RGS6: variants seen among roughly 807,000 people sequenced by gnomAD.
The protein encoded by RGS6 is regulator of G-protein signaling 6.
RGS6 carries 30 observed loss-of-function variants against 78.5 expected under a neutral mutation model. The observed-to-expected ratio is 0.38, with a 90% CI of 0.29 to 0.52. The LOEUF (loss-of-function observed/expected upper bound fraction) is 0.52. Among genes scored for constraint, RGS6 ranks in the 20% least tolerant of loss-of-function variants. The pLI, the probability that RGS6 is intolerant of heterozygous loss-of-function variation, is 0.85. For missense variants in RGS6, 495 were observed against 609.7 expected (o/e 0.81, Z 1.98); for synonymous variants, 206 against 206.0 (o/e 1.00, Z 0.00).
chr14:71,978,597 A>G (rs1312283827), intron 2 of RGS6, among the ~76,000 whole-genome samples: 1 of 123,394 alleles, frequency 8.1e-6, no homozygotes. Context: ...CCAGCCTTGC[A>G]TCCCAGGGAT....
Position 72,077,234 on chromosome 14 carries a change from T to C in RGS6, c.84+112359T>C, listed in dbSNP as rs116435818. Reference sequence around the variant, plus strand: ...ACACCTTTCCATATCTTTATTGTACTAATGTGTATGAATTCCATCTTAATA... The same window carrying C: ...ACACCTTTCCATATCTTTATTGTACCAATGTGTATGAATTCCATCTTAATA... On this transcript the variant is annotated intron_variant, in intron 2 of 17. Coordinates refer to ENST00000553525, the MANE Select transcript of RGS6 (RefSeq NM_001204424.2). 2.6e-3 allele frequency among the ~76,000 whole-genome samples: 399 copies of C among 152,246 alleles called. 1 individual carries two copies. The highest frequency in any genetic ancestry group is 9.3e-3 in the African/African-American group (387 of 41,574).
intron 2 of RGS6, among the ~76,000 whole-genome samples, chr14:72,007,152 AT>A (rs34446409): frequency 0.13 from 19,328 of 148,842 alleles, 1,486 homozygotes; most frequent in South Asian, 0.2. Context: ...GTGCTTTCTG[AT>A]TTTTTTTTTT....
At chr14:72,193,661 A>G (rs1228743685) in intron 2 of RGS6, among the ~76,000 whole-genome samples, 1 of 152,220 alleles carries the variant, frequency 6.6e-6, no homozygotes, top group Non-Finnish European at 1.5e-5. Context: ...GAGAACAGAG[A>G]TAAAGTTTGG....
Position 72,298,431 on chromosome 14 carries a change from CTTT to C in RGS6, c.85-53642_85-53640del, listed in dbSNP as rs1201498031. ...AATGAGAGATATTGTCATTAATGTTCTTTTTTTTTTTTTTTTTTTTTTTTCCCC... is the reference window on the plus strand; with the variant it reads ...AATGAGAGATATTGTCATTAATGTTCTTTTTTTTTTTTTTTTTTTTTCCCC... On this transcript the variant is annotated intron_variant, in intron 2 of 17. Transcript: ENST00000553525. 5.9e-3 allele frequency among the ~76,000 whole-genome samples: 496 copies of C among 83,734 alleles called. 1 individual carries two copies. Among genetic ancestry groups the C allele is most frequent in the Middle Eastern group, 0.011 (1 of 92 alleles). The allele number at this position is 83,734 out of a possible 152,430, so 54.9% of individuals were successfully genotyped here.
At chr14:71,878,325 C>T in the RGS6 span, among the ~76,000 whole-genome samples, 38 of 152,308 alleles carry the variant, frequency 2.5e-4, 1 homozygote, top group African/African-American at 8.2e-4. Flanking sequence ...GCGGTGGGCT[C>T]CACCCAGTTC....
At chr14:71,910,371 T>C in the RGS6 span, among the ~76,000 whole-genome samples, 1 of 152,202 alleles carries the variant, frequency 6.6e-6, no homozygotes, top group Non-Finnish European at 1.5e-5. Context: ...TTCATCTGTT[T>C]ACCTTCCCAT....
downstream of RGS6, among the ~76,000 whole-genome samples, chr14:72,567,288 G>T (rs2097714531): frequency 6.6e-6 from 1 of 152,098 alleles, no homozygotes; most frequent in South Asian, 2.1e-4. Flanking sequence ...TCTGCCTCAG[G>T]TCCATAACAT....
Position 72,393,307 on chromosome 14 carries a change from A to G in RGS6, c.184+41113A>G, listed in dbSNP as rs77216597. Among the ~76,000 whole-genome samples the G allele has an allele frequency of 2.4e-3, 366 of 152,320 alleles. 1 individual carries two copies. Among genetic ancestry groups the G allele is most frequent in the African/African-American group, 8.4e-3 (351 of 41,564 alleles). ...GGTATTTTGGTGATCAAGCAGCTCA[A>G]TGGTCCTTAACCTTGACTGTAACCT... On this transcript the variant is annotated intron_variant, in intron 3 of 17. Coordinates refer to ENST00000553525, the MANE Select transcript of RGS6 (RefSeq NM_001204424.2).
At chr14:72,185,916 G>A (rs2097237451) in intron 2 of RGS6, among the ~76,000 whole-genome samples, 1 of 152,202 alleles carries the variant, frequency 6.6e-6, no homozygotes, top group African/African-American at 2.4e-5. Context: ...GAGCCTGGGT[G>A]ACAAAGACCC....
At chr14:72,055,687 C>T (rs1008098210) in intron 2 of RGS6, among the ~76,000 whole-genome samples, 2 of 152,012 alleles carry the variant, frequency 1.3e-5, no homozygotes, top group African/African-American at 4.8e-5. Context: ...GTGATTCTAA[C>T]GTGCAGTCAA....
chr14:72,245,211 G>T (rs2153831267), intron 2 of RGS6, among the ~76,000 whole-genome samples: 1 of 152,350 alleles, frequency 6.6e-6, no homozygotes, highest in South Asian at 2.1e-4. Context: ...GTTTTATGTG[G>T]CATGGGAATC....
chr14:72,392,963 C>T (rs1191464084), intron 3 of RGS6, among the ~76,000 whole-genome samples: 4 of 152,158 alleles, frequency 2.6e-5, no homozygotes. Context: ...CAAACCTTCA[C>T]CATTACAATT....
At chr14:71,914,841 C>A in the RGS6 span, among the ~76,000 whole-genome samples, 4 of 151,662 alleles carry the variant, frequency 2.6e-5, no homozygotes, top group East Asian at 3.9e-4. Flanking sequence ...TTTGTGCTCA[C>A]AAAGAAAACA....
At chr14:71,933,886 A>G (rs1226151385) in intron 1 of RGS6, among the ~76,000 whole-genome samples, 1 of 152,216 alleles carries the variant, frequency 6.6e-6, no homozygotes, top group African/African-American at 2.4e-5. Flanking sequence ...GCTTGTAAGT[A>G]TCAAAATGGA....
At chr14:71,911,066 C>T in the RGS6 span, among the ~76,000 whole-genome samples, 2 of 152,138 alleles carry the variant, frequency 1.3e-5, no homozygotes, top group South Asian at 2.1e-4. Flanking sequence ...AATGTCCTCA[C>T]AAATGTAAAT....
chr14:72,540,574 GGCGGCTTTTGCTGTGTGCAGAAA>G, intron 17 of RGS6: 1 of 1,534,620 alleles, frequency 6.5e-7, no homozygotes, highest in Non-Finnish European at 8.8e-7. Flanking sequence ...TTGCTGTGTA[GGCGGCTTTTGCTGTGTGCAGAAA>G]GCGGCCGTGC....
chr14:72,245,080 G>C (rs983919706), intron 2 of RGS6, among the ~76,000 whole-genome samples: 1 of 152,186 alleles, frequency 6.6e-6, no homozygotes, highest in African/African-American at 2.4e-5. Context: ...AATTCTAAAC[G>C]ATATCAGCGT....
At chr14:72,428,109 C>T (rs2094498616) in intron 3 of RGS6, among the ~76,000 whole-genome samples, 1 of 152,078 alleles carries the variant, frequency 6.6e-6, no homozygotes, top group African/African-American at 2.4e-5. Context: ...ACCAATGGAG[C>T]CAGAGAACAG....
At chr14:71,975,078 T>A (rs2094036546) in intron 2 of RGS6, among the ~76,000 whole-genome samples, 1 of 152,196 alleles carries the variant, frequency 6.6e-6, no homozygotes, top group Non-Finnish European at 1.5e-5. Context: ...CACTTGAGCC[T>A]GGGAGGTCAA....
Sources: allele counts gnomAD v4.1 joint callset (sites outside exome capture counted in the v4.1 genomes callset), GRCh38; gene constraint gnomAD v4.1.1; transcripts MANE v1.5; gene names NCBI Gene and HGNC (gene_info 2026-07-23, HGNC 2026-07-21).